IGSF1: variants seen among roughly 807,000 people sequenced by gnomAD.
IGSF1 encodes immunoglobulin superfamily member 1, also known as immunoglobulin-like domain-containing protein 1.
IGSF1 carries 40 observed loss-of-function variants against 95.3 expected under a neutral mutation model. That is an observed-to-expected ratio of 0.42 (90% CI 0.33 to 0.55). The LOEUF (loss-of-function observed/expected upper bound fraction) is 0.55, where lower values mean the gene tolerates loss of function less well. IGSF1 is among the 20% of genes least tolerant of loss of function. The pLI, the probability that IGSF1 is intolerant of heterozygous loss-of-function variation, is 0.10. For synonymous variants in IGSF1, 372 were observed against 382.9 expected, an observed-to-expected ratio of 0.97 and a Z score of 0.33; for missense variants, 906 against 1,025.4, an observed-to-expected ratio of 0.88 and a Z score of 1.59.
At chrX:131,284,544 C>A (rs1459777059) in intron 5 of IGSF1, 1 of 751,732 alleles carries the variant, frequency 1.3e-6, no homozygotes, top group East Asian at 1.5e-4. Flanking sequence ...CATCTAGAAA[C>A]CTCCAGGCCA....
At position 131,289,239 on chromosome X, in the gene IGSF1, T is replaced by A; in HGVS notation, c.-93A>T. 1 of 374,736 alleles carries A rather than the reference T, an allele frequency of 2.7e-6. No individual in the cohort carries two copies. The highest frequency in any genetic ancestry group is 5.2e-6 in the Non-Finnish European group (1 of 191,962). The allele number at this position is 374,736 out of a possible 1,213,427, so 30.9% of individuals were successfully genotyped here. ...GGTAGTTGAAGGCCCGCTCCGATGT[T>A]GGAGATTCTCCAGTGAGCTCCTCCA... is the stretch of plus-strand genomic sequence containing the variant. On this transcript the variant is annotated 5_prime_UTR_variant, in exon 1 of 20. Transcript: ENST00000361420.
upstream of IGSF1, chrX:131,289,385 C>G (rs6637829): frequency 0.46 from 164,623 of 356,030 alleles, 27,241 homozygotes; most frequent in Admixed American, 0.68. Flanking sequence ...CCCCTCCCTG[C>G]GCCGGGCTCG....
intron 9 of IGSF1, 25 bp downstream of exon 9, chrX:131,281,193 C>T (rs1298710866): frequency 1.7e-6 from 2 of 1,206,937 alleles, no homozygotes; most frequent in Non-Finnish European, 2.2e-6. Context: ...GGTTGGGGAA[C>T]AGGGGGCTGG....
At chrX:131,279,218 C>A (rs367676648) in intron 10 of IGSF1, 43 bp from the exon 11 acceptor site, 18 of 1,210,075 alleles carry the variant, frequency 1.5e-5, no homozygotes, top group Non-Finnish European at 1.7e-5. Flanking sequence ...CCTCCCCCAC[C>A]GGGACTTCAC....
At chrX:131,286,269 A>C (rs1301724948) in intron 3 of IGSF1, among the ~76,000 whole-genome samples, 168 bp downstream of exon 3, 2 of 111,091 alleles carry the variant, frequency 1.8e-5, no homozygotes, top group East Asian at 2.8e-4. Context: ...TCTCTTTTCC[A>C]TCTGAGATAA....
At chrX:131,287,884 C>T (rs2080664874) in intron 1 of IGSF1, among the ~76,000 whole-genome samples, 1 of 111,599 alleles carries the variant, frequency 9.0e-6, no homozygotes, top group South Asian at 3.8e-4. Context: ...GAAGTCCTGG[C>T]TGACTCCAGC....
In IGSF1 at chrX:131,278,075, G is replaced by A; in HGVS notation, c.2101C>T (p.Leu701Phe). ...SPTIRGQELQLRCKGWLAGMG... is the reference protein window; with the variant it reads ...SPTIRGQELQFRCKGWLAGMG... Reference sequence around the variant, plus strand: ...CCTGCCAGCCATCCTTTGCACCGGAGTTGTAGTTCCTGGCCCCGGATTGTG... The same window carrying A: ...CCTGCCAGCCATCCTTTGCACCGGAATTGTAGTTCCTGGCCCCGGATTGTG... The change falls in exon 13 of 20, where the codon CTC becomes TTC. Residue 701 changes from leucine to phenylalanine, a missense_variant. Coordinates refer to ENST00000361420, the MANE Select transcript of IGSF1 (RefSeq NM_001555.5). 1 of 1,211,373 alleles carries A rather than the reference G, an allele frequency of 8.3e-7. No individual in the cohort carries two copies. The highest frequency in any genetic ancestry group is 2.3e-4 in the Middle Eastern group (1 of 4,335).
rs751466837 is a variant in IGSF1, at chrX:131,285,181, G to T, written c.665C>A (p.Ala222Glu). The change falls in exon 5 of 20, where the codon GCA (alanine) becomes GAA (glutamate). Residue 222 changes from alanine (A) to glutamate (E), a missense_variant and splice_region_variant. This residue lies in a region of IGSF1 where 442 missense variants were observed against 448.1 expected (regional missense o/e 0.99). Transcript: ENST00000361420. ...EPSNPLKLVV[A>E]GLYPKPTLTA... ...CCAGCAGCCATAGCCACACCCACCT[G>T]CTACAACCAGCTTCAGGGGGTTGCT... 8.5e-7 allele frequency: 1 copy of T among 1,180,532 alleles called. No individual in the cohort carries two copies. The highest frequency in any genetic ancestry group is 2.0e-5 in the South Asian group (1 of 51,104).
chrX:131,281,989 A>C (rs767690824), intron 7 of IGSF1, 45 bp from the exon 8 acceptor site: 9 of 1,097,504 alleles, frequency 8.2e-6, no homozygotes, highest in Non-Finnish European at 1.1e-5. Context: ...CCTCAAACCC[A>C]GTACCCTCTC....
chrX:131,286,829 A>G, intron 1 of IGSF1, 88 bp from the exon 2 acceptor site: 1 of 412,415 alleles, frequency 2.4e-6, no homozygotes, highest in Non-Finnish European at 4.1e-6. Flanking sequence ...ACAACCCTAC[A>G]TTGTACTTCC....
Position 131,285,302 on chromosome X carries a change from C to T in IGSF1, c.544G>A (p.Ala182Thr), listed in dbSNP as rs1381471947. 3.3e-6 allele frequency: 4 copies of T among 1,208,737 alleles called. No homozygotes were observed. The East Asian group carries it at 1.2e-4, about 36-fold the overall frequency. Residue 182 changes from alanine (A) to threonine (T), a missense_variant, in exon 5 of 20, where the codon GCC (alanine) becomes ACC (threonine). By Grantham distance (58) the Ala-to-Thr change is moderately conservative (BLOSUM62 0). This residue lies in a region of IGSF1 where 442 missense variants were observed against 448.1 expected (regional missense o/e 0.99). Transcript: ENST00000361420. ...VDYQVPTGTM[A>T]IFSIDNLTPE... ...GTCAGGTTGTCAATGGAGAATATGGCCATTGTCCCAGTTGGGACTTGGTAA... is the reference window on the plus strand; with the variant it reads ...GTCAGGTTGTCAATGGAGAATATGGTCATTGTCCCAGTTGGGACTTGGTAA...
intron 9 of IGSF1, among the ~76,000 whole-genome samples, chrX:131,279,803 T>A (rs2080530105): frequency 8.9e-6 from 1 of 111,747 alleles, no homozygotes; most frequent in South Asian, 3.8e-4. Context: ...GCAGTATTGG[T>A]CCTCAGACCC....
chrX:131,278,780 C>A, intron 11 of IGSF1, 29 bp from the exon 12 acceptor site: 1 of 1,165,267 alleles, frequency 8.6e-7, no homozygotes. Flanking sequence ...ATGAAGCCAT[C>A]CTCCCGCCTC....
intron 5 of IGSF1, 69 bp downstream of exon 5, chrX:131,285,110 C>A (rs2080614627): frequency 8.8e-7 from 1 of 1,138,802 alleles, no homozygotes; most frequent in Non-Finnish European, 1.2e-6. Context: ...AAATCAGAAA[C>A]CCTAGCTCAG....
rs1569408304 is a variant in IGSF1 at position 131,287,132 on chromosome X, C to CATATATAT, written c.-67-392_-67-391insATATATAT. Among the ~76,000 whole-genome samples, 413 of 95,454 alleles carry CATATATAT rather than the reference C, an allele frequency of 4.3e-3. 4 individuals are homozygous for CATATATAT. Among genetic ancestry groups the CATATATAT allele is most frequent in the Non-Finnish European group, 6.7e-3 (323 of 48,374 alleles). 82.9% of individuals were successfully genotyped at this position (95,454 alleles called of 115,157 possible). On this transcript the variant is annotated intron_variant, in intron 1 of 19. Coordinates refer to ENST00000361420, the MANE Select transcript of IGSF1 (RefSeq NM_001555.5). Reference sequence around the variant, plus strand: ...ATGTATATATATGTGTGTATATATACGTATATATGTGTGTATATATATACG... The same window carrying CATATATAT: ...ATGTATATATATGTGTGTATATATACATATATATGTATATATGTGTGTATATATATACG...
At position 131,274,133 on chromosome X, in the gene IGSF1, C is replaced by T. The variant is rs747114674; in HGVS notation, c.3825G>A (p.Leu1275=). 16 of 1,209,698 alleles carry T rather than the reference C, an allele frequency of 1.3e-5. No individual in the cohort carries two copies. Among genetic ancestry groups the T allele is most frequent in the Non-Finnish European group, 1.8e-5 (16 of 895,069 alleles). Residue 1275 remains leucine (L), a synonymous_variant, in exon 19 of 20, where the codon TTG becomes TTA. Coordinates refer to ENST00000361420, the MANE Select transcript of IGSF1 (RefSeq NM_001555.5). The part of the protein sequence containing the change: ...SSLIVVVVVA[L]GVVLAIEWKK... ...TCCACTCTATGGCTAGCACTACCCC[C>T]AAGGCTACAACAACCACCACGATTA... is the stretch of plus-strand genomic sequence containing the variant.
chrX:131,273,729 T>C lies in IGSF1; in HGVS notation c.*67A>G. The C allele has an allele frequency of 9.4e-7, 1 of 1,067,542 alleles. No homozygotes were observed. Among genetic ancestry groups the C allele is most frequent in the Non-Finnish European group, 1.3e-6 (1 of 783,949 alleles). The allele number at this position is 1,067,542 out of a possible 1,213,427, so 88.0% of individuals were successfully genotyped here. On this transcript the variant is annotated 3_prime_UTR_variant, in exon 20 of 20. Transcript: ENST00000361420. ...AGATGGGGCTGACTTGCAGGGTAAC[T>C]GGTTGGATTTATAGGTCTCTGAGAG...
chrX:131,278,022 T>C lies in IGSF1; in HGVS notation c.2154A>G (p.Gly718=). 1.7e-6 allele frequency: 2 copies of C among 1,211,240 alleles called. No homozygotes were observed. Among genetic ancestry groups the C allele is most frequent in the Non-Finnish European group, 2.2e-6 (2 of 895,143 alleles). The change falls in exon 13 of 20, where the codon GGA becomes GGG. Residue 718 remains glycine, a synonymous_variant. Transcript: ENST00000361420. ...CAAGTTGCTGGACAGGTTCTTGCTC[T>C]CCCTCCTTATACAGAGCAAACCCCA... ...AGMGFALYKE[G]EQEPVQQLGA...
In IGSF1 at chrX:131,282,526, G is replaced by A. The variant is rs1286288664; in HGVS notation, c.1164C>T (p.Gly388=). The A allele has an allele frequency of 8.3e-7, 1 of 1,205,731 alleles. No individual in the cohort carries two copies. Among genetic ancestry groups the A allele is most frequent in the Non-Finnish European group, 1.1e-6 (1 of 889,844 alleles). Residue 388 remains glycine, a synonymous_variant, in exon 7 of 20, where the codon GGC becomes GGT. Transcript: ENST00000361420. Reference sequence around the variant, plus strand: ...TGAGAAGATAGTGGCAGCTATAGATGCCAGTATCACTGTAGGTTACATTGT... The same window carrying A: ...TGAGAAGATAGTGGCAGCTATAGATACCAGTATCACTGTAGGTTACATTGT... ...FLNNVTYSDT[G]IYSCHYLLTW...
Sources: gnomAD v4.1 joint callset for allele counts (sites outside exome capture counted in the v4.1 genomes callset) on GRCh38, gnomAD v4.1.1 for gene constraint, gnomAD v4.1.1 regional missense constraint, MANE v1.5 for transcripts, NCBI Gene and HGNC (gene_info 2026-07-23, HGNC 2026-07-21) for gene names.